The following JAZF1 variants were observed in gnomAD, a reference collection of about 807,000 sequenced individuals.
JAZF1 encodes JAZF zinc finger 1.
In JAZF1, 8 loss-of-function variants were observed where a neutral mutation model predicts 26.4. That is an observed-to-expected ratio of 0.30 (90% confidence interval 0.18 to 0.55). The LOEUF is 0.55. Among genes scored for constraint, JAZF1 ranks in the 20% least tolerant of loss-of-function variants. The pLI is 0.94. For synonymous variants in JAZF1, 126 were observed against 122.3 expected, an observed-to-expected ratio of 1.03 and a Z score of -0.20; for missense variants, 199 against 322.0, an observed-to-expected ratio of 0.62 and a Z score of 2.92.
chr7:28,154,407 A>C (rs933937662), intron 1 of JAZF1, among the ~76,000 whole-genome samples: 2 of 152,230 alleles, frequency 1.3e-5, no homozygotes, highest in Non-Finnish European at 2.9e-5. Context: ...TCTAGTACTT[A>C]AGATATGATC....
rs539796556 is a variant in JAZF1 at position 27,838,960 on chromosome 7, G to C, written c.555+1738C>G. 4.7e-4 allele frequency among the ~76,000 whole-genome samples: 72 copies of C among 152,338 alleles called. 3 individuals carry two copies. The East Asian group carries it at 0.01, about 22-fold the overall frequency. On this transcript the variant is annotated intron_variant, in intron 4 of 4. Transcript: ENST00000283928. ...TGAATTCTCAGTGGCCTTGGGTGGAGAGAGAACACTCAGAAAAGCCCCCAC... is the reference window on the plus strand; with the variant it reads ...TGAATTCTCAGTGGCCTTGGGTGGACAGAGAACACTCAGAAAAGCCCCCAC...
chr7:27,902,616 C>T (rs184486391), intron 2 of JAZF1, among the ~76,000 whole-genome samples: 2 of 152,204 alleles, frequency 1.3e-5, no homozygotes, highest in Admixed American at 6.5e-5. Flanking sequence ...ATGACAGGTC[C>T]GACCAAGGGT....
At chr7:27,973,831 T>C (rs1332321655) in intron 2 of JAZF1, among the ~76,000 whole-genome samples, 1 of 152,128 alleles carries the variant, frequency 6.6e-6, no homozygotes, top group Non-Finnish European at 1.5e-5. Flanking sequence ...GCTCTAGTGA[T>C]GGCAGCTGGT....
chr7:28,153,312 C>G (rs937692797), intron 1 of JAZF1, among the ~76,000 whole-genome samples: 1 of 148,816 alleles, frequency 6.7e-6, no homozygotes, highest in Admixed American at 6.8e-5. Flanking sequence ...AAGCATCACA[C>G]TTCCACTAAA....
intron 1 of JAZF1, among the ~76,000 whole-genome samples, chr7:28,025,067 T>C (rs1347809472): frequency 1.3e-5 from 2 of 152,196 alleles, no homozygotes; most frequent in Non-Finnish European, 2.9e-5. Context: ...GGACAATGGT[T>C]CTGTTCCCTA....
chr7:27,889,622 TTAAA>T (rs1460021900), intron 3 of JAZF1, among the ~76,000 whole-genome samples: 1 of 152,222 alleles, frequency 6.6e-6, no homozygotes, highest in African/African-American at 2.4e-5. Context: ...TTAACTTCTC[TTAAA>T]TAAAAGATAA....
At chr7:28,150,347 T>C (rs968781169) in intron 1 of JAZF1, among the ~76,000 whole-genome samples, 43 of 152,148 alleles carry the variant, frequency 2.8e-4, no homozygotes, top group African/African-American at 1.0e-3. Flanking sequence ...GACTTTTGGA[T>C]TTCACAAAGC....
At chr7:27,879,913 T>G (rs1406762174) in intron 3 of JAZF1, among the ~76,000 whole-genome samples, 1 of 152,136 alleles carries the variant, frequency 6.6e-6, no homozygotes, top group Non-Finnish European at 1.5e-5. Context: ...AGAGGCAAAA[T>G]GTACTGAGAA....
chr7:27,972,140 C>T (rs947916889), intron 2 of JAZF1, among the ~76,000 whole-genome samples: 2 of 152,106 alleles, frequency 1.3e-5, no homozygotes, highest in Admixed American at 6.5e-5. Flanking sequence ...AGGTACTCAA[C>T]AAGATAATTA....
At chr7:28,027,369 G>A (rs1229082311) in intron 1 of JAZF1, among the ~76,000 whole-genome samples, 2 of 152,164 alleles carry the variant, frequency 1.3e-5, no homozygotes, top group Admixed American at 1.3e-4. Context: ...TGTGGGTTAT[G>A]TTCTTGTTTG....
intron 2 of JAZF1, among the ~76,000 whole-genome samples, chr7:27,910,115 C>T (rs972514084): frequency 1.3e-4 from 20 of 152,274 alleles, no homozygotes; most frequent in East Asian, 9.7e-4. Context: ...GCCAATGGTT[C>T]CCAACTCTTT....
At chr7:27,860,753 T>G (rs977521594) in intron 3 of JAZF1, among the ~76,000 whole-genome samples, 53 of 152,234 alleles carry the variant, frequency 3.5e-4, no homozygotes, top group Admixed American at 2.0e-3. Context: ...GCCAGCGTAC[T>G]GCACTGCATA....
At chr7:28,146,598 G>A (rs1006785620) in intron 1 of JAZF1, among the ~76,000 whole-genome samples, 8 of 152,304 alleles carry the variant, frequency 5.3e-5, no homozygotes, top group Admixed American at 2.0e-4. Context: ...TCAACAGTCT[G>A]ACTGCATGAT....
At chr7:27,854,128 C>T (rs1172583596) in intron 3 of JAZF1, among the ~76,000 whole-genome samples, 1 of 152,092 alleles carries the variant, frequency 6.6e-6, no homozygotes, top group Non-Finnish European at 1.5e-5. Flanking sequence ...TATGTAATGC[C>T]CTTCTTTGTC....
At chr7:28,168,019 G>A (rs1342559382) in intron 1 of JAZF1, among the ~76,000 whole-genome samples, 1 of 152,168 alleles carries the variant, frequency 6.6e-6, no homozygotes, top group East Asian at 1.9e-4. Context: ...TAAACACAGT[G>A]ATTGGGTGGA....
intron 1 of JAZF1, among the ~76,000 whole-genome samples, chr7:28,125,347 G>A (rs1350921971): frequency 3.3e-5 from 5 of 152,042 alleles, no homozygotes; most frequent in Non-Finnish European, 5.9e-5. Context: ...GTAGTAAAAC[G>A]ATAATTTATC....
rs1261548487 is a variant in JAZF1 at position 27,831,185 on chromosome 7, A to C, written c.*1615T>G. On this transcript the variant is annotated 3_prime_UTR_variant, in exon 5 of 5. Coordinates refer to ENST00000283928, the MANE Select transcript of JAZF1 (RefSeq NM_175061.4). ...GGCAGTGTTTTTATAAATACTTTGA[A>C]TCCCTCATAATGAAGGATTTTAGAA... 1 of 222,950 alleles carries C rather than the reference A, an allele frequency of 4.5e-6. No homozygotes were observed. Among genetic ancestry groups the C allele is most frequent in the Non-Finnish European group, 9.0e-6 (1 of 111,350 alleles). The allele number at this position is 222,950 out of a possible 1,614,324, so 13.8% of individuals were successfully genotyped here. A position where few individuals can be genotyped will look rare whatever the true frequency, so the allele number is the denominator to read the frequency against.
At chr7:27,976,254 G>A (rs965167538) in intron 2 of JAZF1, among the ~76,000 whole-genome samples, 11 of 150,272 alleles carry the variant, frequency 7.3e-5, no homozygotes, top group Non-Finnish European at 8.8e-5. Context: ...GCTGAGGCAG[G>A]AGAATGGCGC....
intron 1 of JAZF1, among the ~76,000 whole-genome samples, chr7:28,147,918 G>A (rs1190418018): frequency 6.6e-6 from 1 of 151,458 alleles, no homozygotes; most frequent in East Asian, 1.9e-4. Flanking sequence ...TCAAAAAAAA[G>A]GAAAAGAAAA....
Sources: allele counts gnomAD v4.1 joint callset (sites outside exome capture counted in the v4.1 genomes callset), GRCh38; gene constraint gnomAD v4.1.1; transcripts MANE v1.5; gene names NCBI Gene and HGNC (gene_info 2026-07-23, HGNC 2026-07-21).